Variants in USH1C observed in about 807,000 individuals in gnomAD.
The protein encoded by USH1C is USH1 protein network component harmonin, also known as harmonin.
USH1C carries 90 observed loss-of-function variants against 119.3 expected under a neutral mutation model. That is an observed-to-expected ratio of 0.75 (90% CI 0.64 to 0.90). USH1C has a LOEUF of 0.90. Among genes scored for constraint, USH1C ranks in the 40% least tolerant of loss-of-function variants. The pLI is 0.00. For synonymous variants in USH1C, 465 were observed against 443.3 expected (o/e 1.05, Z -0.62); for missense variants, 1,165 against 1,167.7 (o/e 1.00, Z 0.03).
chr11:17,533,846 C>A (rs1851111511), intron 1 of USH1C: 1 of 441,126 alleles, frequency 2.3e-6, no homozygotes, highest in Non-Finnish European at 4.6e-6. Context: ...GCCAGGGGAC[C>A]TTCACTCTGT....
At chr11:17,507,631 G>A (rs151302582) in intron 18 of USH1C, among the ~76,000 whole-genome samples, 385 of 152,300 alleles carry the variant, frequency 2.5e-3, no homozygotes, top group Non-Finnish European at 4.1e-3. Context: ...TATTTGATTC[G>A]AATAGGTAGC....
In USH1C at chr11:17,494,380, C is replaced by A; in HGVS notation, c.2656-4G>T. 1 of 1,596,448 alleles carries A rather than the reference C, an allele frequency of 6.3e-7. No homozygotes were observed. The highest frequency in any genetic ancestry group is 8.5e-7 in the Non-Finnish European group (1 of 1,170,840). On this transcript the variant is annotated splice_polypyrimidine_tract_variant and splice_region_variant and intron_variant, in intron 26 of 26. Transcript: ENST00000005226. ...TTTTGGACTTCAGAAGAAGGTCCTG[C>A]AGGGAAGTGGAAACAGCCCAGGTGG...
chr11:17,507,623 T>G (rs1258048594), intron 18 of USH1C, among the ~76,000 whole-genome samples: 7 of 152,244 alleles, frequency 4.6e-5, no homozygotes. Flanking sequence ...TATTAACTTA[T>G]TTGATTCGAA....
intron 14 of USH1C, chr11:17,517,485 A>G: frequency 6.3e-7 from 1 of 1,585,064 alleles, no homozygotes; most frequent in Non-Finnish European, 8.6e-7. Context: ...CTACCCAGGG[A>G]AAAGAGGAGG....
At chr11:17,542,812 T>G (rs1363456375) in intron 1 of USH1C, among the ~76,000 whole-genome samples, 1 of 152,218 alleles carries the variant, frequency 6.6e-6, no homozygotes, top group Non-Finnish European at 1.5e-5. Context: ...GGCTGAAATT[T>G]CTTCCGACAT....
At chr11:17,529,140 G>A (rs1220555140) in intron 4 of USH1C, among the ~76,000 whole-genome samples, 2 of 152,104 alleles carry the variant, frequency 1.3e-5, no homozygotes, top group African/African-American at 4.8e-5. Flanking sequence ...ACCTGTCAGA[G>A]CCCTCAAGTC....
At chr11:17,511,862 T>A in intron 16 of USH1C, 40 bp downstream of exon 16, 1 of 1,598,594 alleles carries the variant, frequency 6.3e-7, no homozygotes, top group African/African-American at 1.3e-5. Flanking sequence ...CCACATTGTG[T>A]CCCAGGGTTG....
chr11:17,517,943 G>A (rs1850229881), intron 14 of USH1C, among the ~76,000 whole-genome samples: 1 of 152,210 alleles, frequency 6.6e-6, no homozygotes, highest in Admixed American at 6.5e-5. Context: ...GGAGGCTGAA[G>A]GTCCTGAGGA....
Position 17,509,425 on chromosome 11 carries a change from C to G in USH1C, c.1944G>C (p.Glu648Asp), listed in dbSNP as rs1213612823. 6.2e-7 allele frequency: 1 copy of G among 1,607,550 alleles called. No homozygotes were observed. The highest frequency in any genetic ancestry group is 8.5e-7 in the Non-Finnish European group (1 of 1,175,416). Residue 648 changes from glutamate (E) to aspartate (D), a missense_variant, in exon 18 of 27, where the codon GAG becomes GAC. Glu to Asp is a conservative substitution (Grantham distance 45, BLOSUM62 2). Transcript: ENST00000005226. ...TGGGCTTCCCACTGTGGTTCTTTGC[C>G]TCCCAGTCCTCCACTGGATTGCCTG... Reference protein sequence around the residue: ...GDTGNPVEDWEAKNHSGKPTN... With the variant: ...GDTGNPVEDWDAKNHSGKPTN...
At chr11:17,522,683 G>C (rs1850464098) in intron 12 of USH1C, 101 bp downstream of exon 12, 1 of 1,562,422 alleles carries the variant, frequency 6.4e-7, no homozygotes, top group Non-Finnish European at 8.8e-7. Context: ...CAGGGAGGAG[G>C]AGGAAGTTGG....
chr11:17,541,507 A>C (rs758663157), intron 1 of USH1C, among the ~76,000 whole-genome samples: 7 of 152,244 alleles, frequency 4.6e-5, no homozygotes, highest in Non-Finnish European at 1.0e-4. Flanking sequence ...TCATAAATGC[A>C]TGATTGCTGA....
At chr11:17,498,613 G>T (rs768049547) in intron 23 of USH1C, among the ~76,000 whole-genome samples, 2 of 152,220 alleles carry the variant, frequency 1.3e-5, no homozygotes, top group Non-Finnish European at 2.9e-5. Context: ...CCTGTTGCCA[G>T]TCATGCTGGT....
chr11:17,526,878 C>A, intron 6 of USH1C, 68 bp from the exon 7 acceptor site: 1 of 1,593,550 alleles, frequency 6.3e-7, no homozygotes, highest in Non-Finnish European at 8.6e-7. Context: ...GGCCCCACAT[C>A]CAGATCCACC....
chr11:17,524,375 G>A (rs1199580943), intron 9 of USH1C, 76 bp downstream of exon 9: 27 of 1,478,918 alleles, frequency 1.8e-5, no homozygotes, highest in Non-Finnish European at 1.8e-5. Flanking sequence ...AAAGGCACCT[G>A]CCCCTGTCAC....
chr11:17,522,947 C>G, intron 11 of USH1C, 21 bp from the exon 12 acceptor site: 1 of 1,605,394 alleles, frequency 6.2e-7, no homozygotes, highest in Admixed American at 1.7e-5. Flanking sequence ...AAAAGAGGCC[C>G]CTTGCTCAGC....
intron 18 of USH1C, among the ~76,000 whole-genome samples, chr11:17,508,144 G>A (rs1849722348): frequency 1.3e-5 from 2 of 152,220 alleles, no homozygotes; most frequent in South Asian, 4.1e-4. Flanking sequence ...CACTTACAGA[G>A]AAAAATGTTG....
chr11:17,503,060 A>G (rs1849506184), intron 20 of USH1C, among the ~76,000 whole-genome samples: 1 of 152,176 alleles, frequency 6.6e-6, no homozygotes, highest in East Asian at 1.9e-4. Context: ...ACCAAATATC[A>G]GCAGACAGAT....
intron 23 of USH1C, 116 bp downstream of exon 23, chr11:17,500,935 G>A: frequency 1.2e-6 from 1 of 845,954 alleles, no homozygotes; most frequent in Non-Finnish European, 1.9e-6. Flanking sequence ...CCGAGTGGGA[G>A]GGCATTCTCC....
intron 24 of USH1C, 91 bp downstream of exon 24, chr11:17,498,071 A>G: frequency 8.5e-7 from 1 of 1,175,160 alleles, no homozygotes; most frequent in South Asian, 1.3e-5. Flanking sequence ...CCACCCTGGA[A>G]TGAGGCATCC....
Sources: allele counts gnomAD v4.1 joint callset (sites outside exome capture counted in the v4.1 genomes callset), GRCh38; gene constraint gnomAD v4.1.1; transcripts MANE v1.5; gene names NCBI Gene and HGNC (gene_info 2026-07-23, HGNC 2026-07-21).